NEO1: variants seen among roughly 807,000 people sequenced by gnomAD.
NEO1 encodes the protein neogenin 1.
NEO1 carries 63 observed loss-of-function variants against 159.7 expected under a neutral mutation model. The ratio of observed to expected loss-of-function variants is 0.39; its 90% CI spans 0.32 to 0.49. NEO1 has a LOEUF of 0.49. Among genes scored for constraint, NEO1 ranks in the 20% least tolerant of loss-of-function variants. The pLI, the probability that NEO1 is intolerant of heterozygous loss-of-function variation, is 0.85. For synonymous variants in NEO1, 633 were observed against 662.0 expected, an observed-to-expected ratio of 0.96 and a Z score of 0.67; for missense variants, 1,615 against 1,831.0, an observed-to-expected ratio of 0.88 and a Z score of 2.15.
intron 5 of NEO1, among the ~76,000 whole-genome samples, chr15:73,173,807 G>T (rs1331581690): frequency 2.0e-5 from 3 of 151,990 alleles, no homozygotes; most frequent in Non-Finnish European, 4.4e-5. Flanking sequence ...TTAATATAAA[G>T]AATTATTAAT....
chr15:73,153,461 A>G (rs2033538839), intron 5 of NEO1, among the ~76,000 whole-genome samples: 1 of 152,188 alleles, frequency 6.6e-6, no homozygotes, highest in East Asian at 1.9e-4. Flanking sequence ...AAATCTTCCC[A>G]TGCTTATGAG....
In NEO1 at chr15:73,299,693, A is replaced by G. The variant is rs577858095; in HGVS notation, c.4165+1082A>G. On this transcript the variant is annotated intron_variant, in intron 27 of 28. Coordinates refer to ENST00000261908, the MANE Select transcript of NEO1 (RefSeq NM_002499.4). ...AGCCACTGCGCCCAGCCGAAAAGCA[A>G]CTATTTTCAAAACAAAAATATAGTG... 1.0e-3 allele frequency among the ~76,000 whole-genome samples: 156 copies of G among 152,306 alleles called. 1 individual carries two copies. Among genetic ancestry groups the G allele is most frequent in the African/African-American group, 3.6e-3 (148 of 41,570 alleles).
At chr15:73,097,827 G>A (rs570239205) in intron 1 of NEO1, among the ~76,000 whole-genome samples, 10 of 126,656 alleles carry the variant, frequency 7.9e-5, no homozygotes, top group South Asian at 2.4e-4. Flanking sequence ...AAAATGATGC[G>A]TAGAGACCAA....
In NEO1 at chr15:73,260,356, T is replaced by A. The variant is rs904062263; in HGVS notation, c.2289T>A (p.Asn763Lys). 1 of 1,613,944 alleles carries A rather than the reference T, an allele frequency of 6.2e-7. No homozygotes were observed. Among genetic ancestry groups the A allele is most frequent in the African/African-American group, 1.3e-5 (1 of 74,902 alleles). Residue 763 changes from asparagine to lysine, a missense_variant, in exon 15 of 29, where the codon AAT becomes AAA. Transcript: ENST00000261908. ...TAGTGAGCTGGACTCCTCCAGAGAA[T>A]CAGAACATTGTGGTCAGAGGTTACG... ...SIVVSWTPPENQNIVVRGYAI... is the reference protein window; with the variant it reads ...SIVVSWTPPEKQNIVVRGYAI...
intron 7 of NEO1, among the ~76,000 whole-genome samples, chr15:73,215,104 T>C (rs2037799898): frequency 2.6e-5 from 4 of 152,208 alleles, no homozygotes; most frequent in Non-Finnish European, 5.9e-5. Flanking sequence ...ATAGAAGAGC[T>C]ATTGATTTAT....
intron 26 of NEO1, among the ~76,000 whole-genome samples, chr15:73,295,145 T>TATATATATATATATAA (rs1306550657): frequency 8.9e-5 from 12 of 134,918 alleles, no homozygotes; most frequent in Middle Eastern, 7.5e-3. Flanking sequence ...TATATATATG[T>TATATATATATATATAA]AAAAATTTGG....
At chr15:73,073,225 A>G (rs975036190) in intron 1 of NEO1, among the ~76,000 whole-genome samples, 2 of 152,216 alleles carry the variant, frequency 1.3e-5, no homozygotes, top group Non-Finnish European at 2.9e-5. Context: ...GGAGGAGAGT[A>G]TCTGATTCTG....
chr15:73,256,905 A>G, intron 13 of NEO1, among the ~76,000 whole-genome samples: 1 of 152,126 alleles, frequency 6.6e-6, no homozygotes, highest in Non-Finnish European at 1.5e-5. Context: ...CCTGAGCAAC[A>G]TGGTCAAACT....
intron 5 of NEO1, among the ~76,000 whole-genome samples, chr15:73,174,263 G>A (rs905450948): frequency 6.6e-6 from 1 of 152,132 alleles, no homozygotes; most frequent in Non-Finnish European, 1.5e-5. Context: ...AGACCTTGTT[G>A]AAGAAAGTGT....
chr15:73,058,823 T>C (rs2151228930), intron 1 of NEO1, among the ~76,000 whole-genome samples: 1 of 152,326 alleles, frequency 6.6e-6, no homozygotes, highest in South Asian at 2.1e-4. Flanking sequence ...TACTCTGAAG[T>C]CCATAAAATG....
At chr15:73,140,435 A>G (rs2032270562) in intron 5 of NEO1, among the ~76,000 whole-genome samples, 2 of 152,148 alleles carry the variant, frequency 1.3e-5, no homozygotes, top group Non-Finnish European at 2.9e-5. Flanking sequence ...ACACACCTGT[A>G]TTTCCAGCTA....
In NEO1 at chr15:73,301,323, C is replaced by T. The variant is rs2042603459; in HGVS notation, c.4168C>T (p.Leu1390=). Residue 1390 remains leucine, a splice_region_variant and synonymous_variant, in exon 28 of 29, where the codon CTG becomes TTG. Transcript: ENST00000261908. ...CTGATGGTGCCCTTTCCCCTCAGCT[C>T]TGAACCATCACATTCACTCAGTGAA... is the stretch of plus-strand genomic sequence containing the variant. ...PSTPLLSQQA[L]NHHIHSVKTA... is the part of the protein sequence containing the mutation. 6.2e-7 allele frequency: 1 copy of T among 1,614,072 alleles called. No individual in the cohort carries two copies. Among genetic ancestry groups the T allele is most frequent in the Non-Finnish European group, 8.5e-7 (1 of 1,180,040 alleles).
At chr15:73,103,034 C>G (rs1367712843) in intron 1 of NEO1, among the ~76,000 whole-genome samples, 1 of 152,122 alleles carries the variant, frequency 6.6e-6, no homozygotes, top group Non-Finnish European at 1.5e-5. Flanking sequence ...TTTATTCAGT[C>G]TTAAGACGTA....
At chr15:73,274,671 C>T in intron 20 of NEO1, 21 bp from the exon 21 acceptor site, 1 of 1,613,188 alleles carries the variant, frequency 6.2e-7, no homozygotes, top group South Asian at 1.1e-5. Context: ...GTTTTTTCTT[C>T]CCCTGTGCTT....
At chr15:73,090,582 A>G (rs1017512839) in intron 1 of NEO1, among the ~76,000 whole-genome samples, 1 of 152,252 alleles carries the variant, frequency 6.6e-6, no homozygotes, top group Non-Finnish European at 1.5e-5. Flanking sequence ...AGCAGATGCT[A>G]TAATTTTTAA....
At position 73,184,219 on chromosome 15, in the gene NEO1, G is replaced by C. The variant is rs565825955; in HGVS notation, c.1291+5792G>C. Among the ~76,000 whole-genome samples the C allele has an allele frequency of 2.1e-3, 321 of 152,116 alleles. 1 individual carries two copies. Among genetic ancestry groups the C allele is most frequent in the African/African-American group, 7.4e-3 (306 of 41,484 alleles). On this transcript the variant is annotated intron_variant, in intron 7 of 28. Coordinates refer to ENST00000261908, the MANE Select transcript of NEO1 (RefSeq NM_002499.4). The stretch of plus-strand genomic sequence containing the variant: ...CGCCCAGGCTGTAGTACAGTGGCGC[G>C]ATCTCAGCTCACTGCAGCCTCCGCC...
chr15:73,262,300 A>G (rs757102769), intron 15 of NEO1, among the ~76,000 whole-genome samples: 4 of 152,200 alleles, frequency 2.6e-5, no homozygotes, highest in Non-Finnish European at 5.9e-5. Flanking sequence ...ACTTTTAGAA[A>G]CATACCAATA....
intron 5 of NEO1, among the ~76,000 whole-genome samples, chr15:73,153,645 A>G (rs1027107226): frequency 5.3e-5 from 8 of 152,222 alleles, no homozygotes; most frequent in South Asian, 2.1e-4. Context: ...TTGATTTCCA[A>G]TGATTACGTA....
chr15:73,080,724 A>G (rs2069001738), intron 1 of NEO1, among the ~76,000 whole-genome samples: 1 of 152,222 alleles, frequency 6.6e-6, no homozygotes, highest in East Asian at 1.9e-4. Context: ...TATAGTGGCC[A>G]GGGATCTCTT....
Sources: allele counts gnomAD v4.1 joint callset (sites outside exome capture counted in the v4.1 genomes callset), GRCh38; gene constraint gnomAD v4.1.1; transcripts MANE v1.5; gene names NCBI Gene and HGNC (gene_info 2026-07-23, HGNC 2026-07-21).